PTK2B: variants seen among roughly 807,000 people sequenced by gnomAD.
PTK2B encodes protein tyrosine kinase 2 beta.
Under a neutral mutation model 142.9 loss-of-function variants are expected in PTK2B, and 71 were observed. The ratio of observed to expected loss-of-function variants is 0.50; its 90% CI spans 0.41 to 0.61. PTK2B has a LOEUF of 0.61. Among genes scored for constraint, PTK2B ranks in the 20% least tolerant of loss-of-function variants. The pLI, the probability that PTK2B is intolerant of heterozygous loss-of-function variation, is 0.00. For synonymous variants in PTK2B, 519 were observed against 503.4 expected, an observed-to-expected ratio of 1.03 and a Z score of -0.42; for missense variants, 1,105 against 1,320.4, an observed-to-expected ratio of 0.84 and a Z score of 2.53.
intron 1 of PTK2B, among the ~76,000 whole-genome samples, chr8:27,385,817 C>T (rs894872324): frequency 2.1e-5 from 3 of 140,510 alleles, no homozygotes; most frequent in Admixed American, 7.6e-5. Flanking sequence ...CACTTGAACC[C>T]GGGAGGCAGA....
chr8:27,424,354 A>C (rs531369742), intron 5 of PTK2B, among the ~76,000 whole-genome samples: 1 of 152,332 alleles, frequency 6.6e-6, no homozygotes, highest in African/African-American at 2.4e-5. Flanking sequence ...GGACAGGGCA[A>C]GGCATCCGAC....
intron 3 of PTK2B, among the ~76,000 whole-genome samples, chr8:27,319,504 C>T (rs1015608681): frequency 6.6e-6 from 1 of 151,628 alleles, no homozygotes; most frequent in Non-Finnish European, 1.5e-5. Flanking sequence ...ATTAGCCAGG[C>T]CCGGTGGCGG....
chr8:27,415,845 G>A (rs902482016), intron 2 of PTK2B, among the ~76,000 whole-genome samples: 2 of 152,196 alleles, frequency 1.3e-5, no homozygotes, highest in African/African-American at 4.8e-5. Context: ...CAATATATAT[G>A]TTGAAAATGA....
chr8:27,331,546 C>A (rs1469733373), intron 1 of PTK2B, among the ~76,000 whole-genome samples: 1 of 152,242 alleles, frequency 6.6e-6, no homozygotes, highest in South Asian at 2.1e-4. Flanking sequence ...GCCACCACAC[C>A]TGGCTTATTT....
chr8:27,329,612 C>G (rs74774042), intron 1 of PTK2B, among the ~76,000 whole-genome samples: 1 of 152,042 alleles, frequency 6.6e-6, no homozygotes, highest in African/African-American at 2.4e-5. Context: ...GCGACGTGCC[C>G]GGGGCTGAAA....
chr8:27,435,733 G>A lies in PTK2B; in HGVS notation c.1193-10G>A, dbSNP rs758357986. The A allele has an allele frequency of 3.1e-6, 5 of 1,613,982 alleles. No individual in the cohort carries two copies. The African/African-American group carries it at 4.0e-5, about 13-fold the overall frequency. On this transcript the variant is annotated splice_polypyrimidine_tract_variant and intron_variant, in intron 13 of 30. Coordinates refer to ENST00000346049, the MANE Select transcript of PTK2B (RefSeq NM_173176.3). ...CTTGTCCACGGCTGAGCCTCTTCCTGTTGTTCCAGAGTCAGACATCTACGC... is the reference window on the plus strand; with the variant it reads ...CTTGTCCACGGCTGAGCCTCTTCCTATTGTTCCAGAGTCAGACATCTACGC...
At chr8:27,433,641 G>A in intron 11 of PTK2B, 89 bp downstream of exon 11, 3 of 1,096,466 alleles carry the variant, frequency 2.7e-6, no homozygotes, top group Non-Finnish European at 2.7e-6. Context: ...CTAAGCCACT[G>A]ATGGATAAGT....
Position 27,332,392 on chromosome 8 carries a change from A to G in PTK2B, c.-38+6711A>G, listed in dbSNP as rs73223414. On this transcript the variant is annotated intron_variant, in intron 1 of 30. Transcript: ENST00000346049. ...CACAGGCATTGTCCCAGGAAAAGTG[A>G]TGAATTTGGGATCAGAACGTGGTGG... Among the ~76,000 whole-genome samples, 1,173 of 152,298 alleles carry G rather than the reference A, an allele frequency of 7.7e-3. 10 individuals carry two copies. Among genetic ancestry groups the G allele is most frequent in the Middle Eastern group, 0.024 (7 of 294 alleles).
At chr8:27,451,165 AC>A in intron 26 of PTK2B, 87 bp downstream of exon 26, 1 of 1,470,536 alleles carries the variant, frequency 6.8e-7, no homozygotes, top group Non-Finnish European at 9.5e-7. Flanking sequence ...ACTTGCTCCT[AC>A]CCCCAGGCCT....
intron 1 of PTK2B, among the ~76,000 whole-genome samples, chr8:27,365,305 A>C (rs897792543): frequency 6.6e-6 from 1 of 152,218 alleles, no homozygotes; most frequent in African/African-American, 2.4e-5. Context: ...CTCGTCTGCC[A>C]ACCTGGTGGG....
chr8:27,444,154 T>C (rs1586342899), intron 22 of PTK2B, 52 bp from the exon 23 acceptor site: 2 of 1,529,062 alleles, frequency 1.3e-6, no homozygotes, highest in East Asian at 4.5e-5. Flanking sequence ...TGGTGAGTTG[T>C]GTTCACTCAA....
At chr8:27,439,179 A>T in intron 19 of PTK2B, 48 bp downstream of exon 19, 2 of 1,586,806 alleles carry the variant, frequency 1.3e-6, no homozygotes, top group Non-Finnish European at 1.7e-6. Flanking sequence ...GGGTCGCTGA[A>T]GCCAAAAATT....
At chr8:27,328,606 C>T (rs370850434) in intron 1 of PTK2B, among the ~76,000 whole-genome samples, 9 of 152,252 alleles carry the variant, frequency 5.9e-5, no homozygotes, top group East Asian at 3.9e-4. Flanking sequence ...GACCCTATGG[C>T]GTGAGATGGA....
At chr8:27,311,251 C>T (rs1312658375), upstream of PTK2B, 2 of 1,489,014 alleles carry the variant, frequency 1.3e-6, no homozygotes, top group East Asian at 2.4e-5. Flanking sequence ...GAGCAGCCGG[C>T]TCGGGCGCCC....
chr8:27,435,870 C>T, intron 14 of PTK2B, 77 bp downstream of exon 14: 1 of 1,497,428 alleles, frequency 6.7e-7, no homozygotes, highest in South Asian at 1.1e-5. Context: ...GGTGACACCA[C>T]AGGGAACATT....
At chr8:27,451,397 G>A (rs1247757780) in intron 26 of PTK2B, 88 bp from the exon 27 acceptor site, 1 of 1,584,888 alleles carries the variant, frequency 6.3e-7, no homozygotes, top group East Asian at 2.2e-5. Flanking sequence ...AACACACAGT[G>A]GAGGGACTGG....
intron 1 of PTK2B, among the ~76,000 whole-genome samples, chr8:27,334,728 C>G (rs539259656): frequency 6.6e-6 from 1 of 152,258 alleles, no homozygotes; most frequent in Non-Finnish European, 1.5e-5. Flanking sequence ...AGCCAGACAG[C>G]GCTTCCTCAT....
intron 1 of PTK2B, among the ~76,000 whole-genome samples, chr8:27,353,136 C>T (rs989840005): frequency 3.3e-5 from 5 of 152,114 alleles, no homozygotes; most frequent in Non-Finnish European, 5.9e-5. Context: ...GGATTAATTG[C>T]AAAAATATTT....
At chr8:27,399,322 G>C (rs976539168) in intron 2 of PTK2B, among the ~76,000 whole-genome samples, 2 of 152,236 alleles carry the variant, frequency 1.3e-5, no homozygotes, top group African/African-American at 2.4e-5. Context: ...ACTGGGGACA[G>C]GAAGAGGCTT....
Sources: allele counts gnomAD v4.1 joint callset (sites outside exome capture counted in the v4.1 genomes callset), GRCh38; gene constraint gnomAD v4.1.1; transcripts MANE v1.5; gene names NCBI Gene and HGNC (gene_info 2026-07-23, HGNC 2026-07-21).